The following MTM1 variants were observed in gnomAD, a reference collection of about 807,000 sequenced individuals.
The protein encoded by MTM1 is myotubularin 1.
A neutral mutation model predicts 52.1 loss-of-function variants in MTM1; 9 were observed. The ratio of observed to expected loss-of-function variants is 0.17; its 90% CI spans 0.10 to 0.30. The LOEUF (loss-of-function observed/expected upper bound fraction) is 0.30. Ranked by LOEUF, MTM1 falls within the 10% of genes least tolerant of loss-of-function variation. The pLI is 1.00. For synonymous variants in MTM1, 136 were observed against 163.8 expected (o/e 0.83, Z 1.29); for missense variants, 277 against 470.7 (o/e 0.59, Z 3.81).
chrX:150,626,769 G>C (rs1159613789), intron 6 of MTM1, among the ~76,000 whole-genome samples: 1 of 112,069 alleles, frequency 8.9e-6, no homozygotes, highest in Non-Finnish European at 1.9e-5. Flanking sequence ...ACACTGAAAT[G>C]AAGTACACAC....
At chrX:150,642,263 A>G (rs1252248125) in intron 8 of MTM1, among the ~76,000 whole-genome samples, 2 of 111,017 alleles carry the variant, frequency 1.8e-5, no homozygotes, top group African/African-American at 6.6e-5. Context: ...CACTTGTTAT[A>G]CACTTCTAGC....
rs2040394486 is a variant in MTM1 at position 150,671,433 on chromosome X, G to A, written c.1650G>A (p.Pro550=). The change falls in exon 15 of 15, where the codon CCG becomes CCA. Residue 550 remains proline (P), a synonymous_variant. Transcript: ENST00000370396. The part of the protein sequence containing the change: ...RWNPRIKQQQ[P]NPVEQRYMEL... ...AAGTCTCTGGTTCTCTCCAGCAGCC[G>A]AATCCAGTGGAGCAGCGTTACATGG... 1.7e-6 allele frequency: 2 copies of A among 1,211,329 alleles called. No homozygotes were observed.
At chrX:150,636,187 CAG>C (rs782779615) in intron 6 of MTM1, among the ~76,000 whole-genome samples, 1 of 111,398 alleles carries the variant, frequency 9.0e-6, no homozygotes, top group South Asian at 3.8e-4. Context: ...GTGATCTCAT[CAG>C]AGAGTCCATC....
intron 12 of MTM1, among the ~76,000 whole-genome samples, 191 bp from the exon 13 acceptor site, chrX:150,660,180 C>T (rs182851030): frequency 2.7e-5 from 3 of 111,908 alleles, no homozygotes; most frequent in African/African-American, 9.7e-5. Flanking sequence ...TTATTTAACA[C>T]TTAAAGTGCT....
intron 1 of MTM1, among the ~76,000 whole-genome samples, chrX:150,590,608 A>C (rs782094006): frequency 1.8e-5 from 2 of 111,692 alleles, no homozygotes; most frequent in Admixed American, 1.9e-4. Flanking sequence ...AGTTGTAGTA[A>C]AACAGTTAAA....
intron 1 of MTM1, among the ~76,000 whole-genome samples, chrX:150,584,050 A>G (rs1290016085): frequency 1.0e-5 from 1 of 96,297 alleles, no homozygotes; most frequent in East Asian, 3.0e-4. Flanking sequence ...ATTTTTATAT[A>G]TGGCAGCAAA....
intron 4 of MTM1, among the ~76,000 whole-genome samples, chrX:150,612,438 T>A (rs2148452615): frequency 8.9e-6 from 1 of 111,877 alleles, no homozygotes; most frequent in East Asian, 2.8e-4. Context: ...ACACATGTAA[T>A]CCCAATACTT....
chrX:150,583,330 TTA>T (rs1277278671), intron 1 of MTM1, among the ~76,000 whole-genome samples: 2 of 51,483 alleles, frequency 3.9e-5, no homozygotes, highest in African/African-American at 8.1e-5. Flanking sequence ...TATATATAAA[TTA>T]TATATATTAT....
intron 4 of MTM1, among the ~76,000 whole-genome samples, chrX:150,613,239 T>G (rs1557413052): frequency 8.9e-6 from 1 of 111,736 alleles, no homozygotes. Context: ...TTTTTCTTTA[T>G]TTTTCAAACT....
chrX:150,608,918 C>G (rs782212185), intron 4 of MTM1, among the ~76,000 whole-genome samples: 36 of 109,394 alleles, frequency 3.3e-4, no homozygotes, highest in African/African-American at 1.1e-3. Flanking sequence ...CAACCTCCGC[C>G]TCCCGTGTTC....
intron 6 of MTM1, among the ~76,000 whole-genome samples, chrX:150,621,066 T>G (rs1291991195): frequency 1.0e-5 from 1 of 98,064 alleles, no homozygotes; most frequent in East Asian, 3.2e-4. Context: ...TGCAGTGAGC[T>G]GAGATCGTGC....
In MTM1 at chrX:150,590,236, T is replaced by C. The variant is rs782693617; in HGVS notation, c.-10-2369T>C. On this transcript the variant is annotated intron_variant, in intron 1 of 14. Transcript: ENST00000370396. ...GATGAGATTTTAAAGTAAGCCTCAT[T>C]GTGGAACTGGCACATGTTATCTGGA... 2.0e-4 allele frequency among the ~76,000 whole-genome samples: 22 copies of C among 112,364 alleles called. No individual in the cohort carries two copies. The Middle Eastern group carries it at 0.014, about 71-fold the overall frequency.
intron 1 of MTM1, among the ~76,000 whole-genome samples, chrX:150,582,274 T>C (rs2038599226): frequency 8.9e-6 from 1 of 111,980 alleles, no homozygotes; most frequent in South Asian, 3.7e-4. Flanking sequence ...CATTTCATTA[T>C]TTCTTCTAAA....
At chrX:150,669,796 C>T (rs142558225) in intron 14 of MTM1, among the ~76,000 whole-genome samples, 2,057 of 111,987 alleles carry the variant, frequency 0.018, 19 homozygotes, top group Middle Eastern at 0.084. Context: ...GAGTAGATTG[C>T]AAAAATTTTC....
At chrX:150,664,325 G>A (rs781894233) in intron 14 of MTM1, among the ~76,000 whole-genome samples, 7 of 112,718 alleles carry the variant, frequency 6.2e-5, no homozygotes, top group Non-Finnish European at 1.1e-4. Context: ...GTGGGTGGTC[G>A]ACTACCTGTT....
intron 6 of MTM1, among the ~76,000 whole-genome samples, chrX:150,630,852 A>G (rs908289679): frequency 1.8e-5 from 2 of 112,056 alleles, no homozygotes; most frequent in African/African-American, 6.5e-5. Context: ...TTACAGCACA[A>G]GGATACAAAA....
intron 1 of MTM1, 111 bp from the exon 2 acceptor site, chrX:150,592,494 C>T: frequency 1.7e-6 from 1 of 580,593 alleles, no homozygotes; most frequent in South Asian, 2.3e-5. Flanking sequence ...GAAATAGAAC[C>T]TGTAAAGTAG....
chrX:150,652,645 G>A (rs1557414240), intron 10 of MTM1, among the ~76,000 whole-genome samples: 1 of 57,578 alleles, frequency 1.7e-5, no homozygotes. Context: ...ACGTGTGTGT[G>A]TGTATATATA....
intron 1 of MTM1, among the ~76,000 whole-genome samples, chrX:150,570,604 A>G (rs1196422010): frequency 9.0e-6 from 1 of 111,159 alleles, no homozygotes; most frequent in Non-Finnish European, 1.9e-5. Flanking sequence ...TAGATAGCTG[A>G]CTGTAGCTAC....
Sources: allele counts gnomAD v4.1 joint callset (sites outside exome capture counted in the v4.1 genomes callset), GRCh38; gene constraint gnomAD v4.1.1; transcripts MANE v1.5; gene names NCBI Gene and HGNC (gene_info 2026-07-23, HGNC 2026-07-21).